The following PDE4D variants were observed in gnomAD, a reference collection of about 807,000 sequenced individuals.
The protein encoded by PDE4D is phosphodiesterase 4D.
PDE4D carries 24 observed loss-of-function variants against 87.4 expected under a neutral mutation model. The observed-to-expected ratio is 0.27, with a 90% CI of 0.20 to 0.39. The LOEUF (loss-of-function observed/expected upper bound fraction) is 0.39. Ranked by LOEUF, PDE4D falls within the 10% of genes least tolerant of loss-of-function variation. PDE4D has a pLI of 1.00. For missense variants in PDE4D, 714 were observed against 1,041.0 expected (o/e 0.69, Z 4.32); for synonymous variants, 384 against 383.2 (o/e 1.00, Z -0.02).
chr5:60,318,691 A>C (rs1384186660), intron 1 of PDE4D, among the ~76,000 whole-genome samples: 1 of 152,166 alleles, frequency 6.6e-6, no homozygotes, highest in African/African-American at 2.4e-5. Flanking sequence ...TGGTGACAAA[A>C]TCTCTCAGCA....
intron 1 of PDE4D, among the ~76,000 whole-genome samples, chr5:59,666,620 C>G (rs1746120891): frequency 6.6e-6 from 1 of 152,174 alleles, no homozygotes; most frequent in South Asian, 2.1e-4. Flanking sequence ...TTGCTGTGCA[C>G]TTTATTCATA....
intron 3 of PDE4D, among the ~76,000 whole-genome samples, chr5:59,917,188 G>T (rs1754158879): frequency 6.6e-6 from 1 of 151,978 alleles, no homozygotes; most frequent in Admixed American, 6.6e-5. Context: ...ATTCTACTTT[G>T]ACATCTACGA....
intron 1 of PDE4D, among the ~76,000 whole-genome samples, chr5:59,861,243 T>C (rs1048317575): frequency 6.6e-6 from 1 of 152,162 alleles, no homozygotes; most frequent in Non-Finnish European, 1.5e-5. Flanking sequence ...ATAACCTATA[T>C]TTAATTTAGC....
chr5:59,530,628 G>A (rs1229704264), intron 1 of PDE4D, among the ~76,000 whole-genome samples: 1 of 151,856 alleles, frequency 6.6e-6, no homozygotes, highest in Non-Finnish European at 1.5e-5. Context: ...AAATTGGATT[G>A]AATACACAGA....
chr5:59,386,685 A>AGGAGGAAG (rs1365296281), intron 1 of PDE4D, among the ~76,000 whole-genome samples: 1 of 80,910 alleles, frequency 1.2e-5, no homozygotes, highest in African/African-American at 3.6e-5. Flanking sequence ...AGGGCAGCGC[A>AGGAGGAAG]GGAGGAAGGG....
At chr5:60,184,084 T>G (rs1784590508) in intron 2 of PDE4D, among the ~76,000 whole-genome samples, 1 of 152,182 alleles carries the variant, frequency 6.6e-6, no homozygotes, top group South Asian at 2.1e-4. Flanking sequence ...TTTTTTGCAT[T>G]AAACAAATAC....
chr5:59,308,640 C>T (rs1437303263), intron 1 of PDE4D, among the ~76,000 whole-genome samples: 2 of 151,660 alleles, frequency 1.3e-5, no homozygotes, highest in African/African-American at 2.4e-5. Flanking sequence ...GTTACCAGTG[C>T]CTGTTCTGGT....
At chr5:59,019,507 C>T (rs1488224373) in intron 6 of PDE4D, among the ~76,000 whole-genome samples, 1 of 152,152 alleles carries the variant, frequency 6.6e-6, no homozygotes, top group Non-Finnish European at 1.5e-5. Flanking sequence ...CTCACACCTG[C>T]CACTGGTCCT....
intron 1 of PDE4D, among the ~76,000 whole-genome samples, chr5:60,303,660 A>T (rs1186510273): frequency 1.3e-5 from 2 of 152,062 alleles, no homozygotes; most frequent in Non-Finnish European, 2.9e-5. Context: ...CTGTGATCTG[A>T]GAGACTGTTA....
chr5:60,182,263 T>C (rs187760804), intron 2 of PDE4D, among the ~76,000 whole-genome samples: 62 of 152,274 alleles, frequency 4.1e-4, no homozygotes, highest in African/African-American at 1.4e-3. Flanking sequence ...GTCCCTAACA[T>C]AAAATTTAGA....
At chr5:60,337,172 A>G (rs1167023334) in intron 1 of PDE4D, among the ~76,000 whole-genome samples, 1 of 150,108 alleles carries the variant, frequency 6.7e-6, no homozygotes, top group Admixed American at 6.7e-5. Flanking sequence ...TACAAAAAAA[A>G]AAAAAAAAAA....
chr5:59,355,401 C>A (rs1257829066), intron 1 of PDE4D, among the ~76,000 whole-genome samples: 5 of 152,010 alleles, frequency 3.3e-5, no homozygotes, highest in Admixed American at 6.6e-5. Flanking sequence ...TATTAAGGAG[C>A]TTGTTATCAG....
At chr5:60,310,810 C>A (rs1304010171) in intron 1 of PDE4D, among the ~76,000 whole-genome samples, 1 of 152,202 alleles carries the variant, frequency 6.6e-6, no homozygotes, top group African/African-American at 2.4e-5. Flanking sequence ...CTTTGCTCAC[C>A]TCTTTAAACA....
At chr5:59,043,015 G>T (rs760895619) in intron 5 of PDE4D, among the ~76,000 whole-genome samples, 1 of 152,198 alleles carries the variant, frequency 6.6e-6, no homozygotes, top group Non-Finnish European at 1.5e-5. Flanking sequence ...TCACAGTGAT[G>T]TTGACCATTG....
Position 59,754,797 on chromosome 5 carries a change from A to ATTTTTTTTTTTTTTTTTTTTTTTT in PDE4D, c.455+138347_455+138370dup, listed in dbSNP as rs754869518. On this transcript the variant is annotated intron_variant, in intron 1 of 14. Coordinates refer to ENST00000340635, the MANE Select transcript of PDE4D (RefSeq NM_001104631.2). ...GCAGGTACAGAATTTTCCACAGAAC[A>ATTTTTTTTTTTTTTTTTTTTTTTT]TTTTTTTTTTTTTTTTTTTTTTTTT... is the stretch of plus-strand genomic sequence containing the variant. Among the ~76,000 whole-genome samples, 19 of 96,870 alleles carry ATTTTTTTTTTTTTTTTTTTTTTTT rather than the reference A, an allele frequency of 2.0e-4. 8 individuals carry two copies. Among genetic ancestry groups the ATTTTTTTTTTTTTTTTTTTTTTTT allele is most frequent in the African/African-American group, 1.7e-4 (4 of 24,100 alleles). The allele number at this position is 96,870 out of a possible 152,430, so 63.6% of individuals were successfully genotyped here.
intron 1 of PDE4D, among the ~76,000 whole-genome samples, chr5:59,380,856 C>A (rs976835154): frequency 6.6e-6 from 1 of 151,974 alleles, no homozygotes; most frequent in African/African-American, 2.4e-5. Context: ...TACCACAGAG[C>A]AAATCCTGCC....
chr5:58,987,359 A>C (rs1746705326), intron 11 of PDE4D, among the ~76,000 whole-genome samples: 1 of 152,160 alleles, frequency 6.6e-6, no homozygotes, highest in South Asian at 2.1e-4. Flanking sequence ...TACTTGACTA[A>C]CCACACATCT....
chr5:59,885,543 T>A (rs1376989991), intron 1 of PDE4D, among the ~76,000 whole-genome samples: 1 of 152,174 alleles, frequency 6.6e-6, no homozygotes, highest in Non-Finnish European at 1.5e-5. Context: ...TGCCTTAAAT[T>A]TTGTGGATAA....
intron 2 of PDE4D, among the ~76,000 whole-genome samples, chr5:60,001,622 T>A (rs1764019864): frequency 6.6e-6 from 1 of 152,132 alleles, no homozygotes; most frequent in African/African-American, 2.4e-5. Flanking sequence ...GTAATGGTGA[T>A]GTATAAATTA....
Sources: gnomAD v4.1 joint callset for allele counts (sites outside exome capture counted in the v4.1 genomes callset) on GRCh38, gnomAD v4.1.1 for gene constraint, MANE v1.5 for transcripts, NCBI Gene and HGNC (gene_info 2026-07-23, HGNC 2026-07-21) for gene names.